KSR2: variants seen among roughly 807,000 people sequenced by gnomAD.
KSR2 encodes the protein kinase suppressor of ras 2.
KSR2 carries 25 observed loss-of-function variants against 107.8 expected under a neutral mutation model. The observed-to-expected ratio is 0.23, with a 90% CI of 0.17 to 0.32. KSR2 has a LOEUF of 0.32. Ranked by LOEUF, KSR2 falls within the 10% of genes least tolerant of loss-of-function variation. The pLI is 1.00. For missense variants in KSR2, 887 were observed against 1,268.9 expected, an observed-to-expected ratio of 0.70 and a Z score of 4.57; for synonymous variants, 480 against 507.0, an observed-to-expected ratio of 0.95 and a Z score of 0.71.
At chr12:117,644,241 G>A (rs904844054) in intron 5 of KSR2, among the ~76,000 whole-genome samples, 8 of 152,200 alleles carry the variant, frequency 5.3e-5, no homozygotes, top group Non-Finnish European at 1.0e-4. Flanking sequence ...TGGCCCTAGC[G>A]AGGCCTCTGC....
At position 117,792,633 on chromosome 12, in the gene KSR2, G is replaced by A. The variant is rs115809897; in HGVS notation, c.473-31109C>T. ...AATCAGCAGCCTCTCCCAGCCCCGC[G>A]GCCCCTGCCCTCTGCCTCTGTCCCT... On this transcript the variant is annotated intron_variant, in intron 3 of 19. Coordinates refer to ENST00000339824, the MANE Select transcript of KSR2 (RefSeq NM_173598.6). Among the ~76,000 whole-genome samples the A allele has an allele frequency of 3.9e-3, 597 of 152,230 alleles. 7 individuals are homozygous for A. The highest frequency in any genetic ancestry group is 0.014 in the African/African-American group (561 of 41,536).
At chr12:117,722,794 T>C (rs1887266754) in intron 4 of KSR2, among the ~76,000 whole-genome samples, 1 of 152,218 alleles carries the variant, frequency 6.6e-6, no homozygotes, top group African/African-American at 2.4e-5. Context: ...AATTCTTTCT[T>C]GCCCGAGATC....
intron 4 of KSR2, among the ~76,000 whole-genome samples, chr12:117,687,449 T>C (rs541965799): frequency 6.6e-6 from 1 of 152,344 alleles, no homozygotes; most frequent in South Asian, 2.1e-4. Context: ...TTTCAACTTT[T>C]GCATCCAGCA....
At chr12:117,789,782 T>C (rs1356140595) in intron 3 of KSR2, among the ~76,000 whole-genome samples, 1 of 152,156 alleles carries the variant, frequency 6.6e-6, no homozygotes, top group East Asian at 1.9e-4. Context: ...CTACTGAGTG[T>C]CAGGTACCTG....
At chr12:117,594,819 T>C (rs1436829309) in intron 5 of KSR2, among the ~76,000 whole-genome samples, 1 of 152,198 alleles carries the variant, frequency 6.6e-6, no homozygotes, top group Non-Finnish European at 1.5e-5. Flanking sequence ...TGGCAATGTG[T>C]GCAGACATTT....
intron 3 of KSR2, among the ~76,000 whole-genome samples, chr12:117,804,333 G>A (rs113827537): frequency 0.053 from 7,999 of 152,176 alleles, 739 homozygotes; most frequent in African/African-American, 0.18. Context: ...GTGAGCCACC[G>A]CACCCGGCCA....
intron 14 of KSR2, among the ~76,000 whole-genome samples, chr12:117,508,883 T>G (rs1873862078): frequency 7.4e-6 from 1 of 135,612 alleles, no homozygotes. Context: ...GATAGATGGG[T>G]GGATGGATGT....
At chr12:117,598,319 T>C (rs921267255) in intron 5 of KSR2, among the ~76,000 whole-genome samples, 2 of 152,254 alleles carry the variant, frequency 1.3e-5, no homozygotes, top group Non-Finnish European at 2.9e-5. Context: ...ATTTCATTTC[T>C]TTTTATGGCT....
At chr12:117,767,256 CCAA>C (rs1429451045) in intron 3 of KSR2, among the ~76,000 whole-genome samples, 5 of 83,756 alleles carry the variant, frequency 6.0e-5, no homozygotes, top group African/African-American at 3.1e-4. Context: ...TACTAAAAAT[CCAA>C]AAAAAAAAAA....
intron 5 of KSR2, among the ~76,000 whole-genome samples, chr12:117,618,083 T>A (rs1881981255): frequency 6.6e-6 from 1 of 152,208 alleles, no homozygotes; most frequent in African/African-American, 2.4e-5. Flanking sequence ...AAATTGGGCA[T>A]AAAAATTTGA....
chr12:117,624,340 G>A (rs1882353468), intron 5 of KSR2, among the ~76,000 whole-genome samples: 1 of 152,256 alleles, frequency 6.6e-6, no homozygotes, highest in Non-Finnish European at 1.5e-5. Context: ...TTTTCTTCTA[G>A]GGTTTTTATG....
intron 3 of KSR2, among the ~76,000 whole-genome samples, chr12:117,843,816 T>A (rs909710586): frequency 2.8e-4 from 42 of 152,286 alleles, no homozygotes; most frequent in African/African-American, 9.9e-4. Flanking sequence ...AAGCCTGTCT[T>A]CATGGTCCCT....
At chr12:117,915,258 G>A (rs951570603) in intron 1 of KSR2, among the ~76,000 whole-genome samples, 9 of 152,190 alleles carry the variant, frequency 5.9e-5, no homozygotes, top group Non-Finnish European at 8.8e-5. Flanking sequence ...GTCAGGTTCT[G>A]GAGAGGGTCC....
At chr12:117,704,718 G>C (rs940105693) in intron 4 of KSR2, among the ~76,000 whole-genome samples, 25 of 152,100 alleles carry the variant, frequency 1.6e-4, no homozygotes, top group African/African-American at 6.0e-4. Context: ...CATTAGCTGG[G>C]CATGGTGGCA....
At chr12:117,538,877 A>C (rs1486594819) in intron 10 of KSR2, among the ~76,000 whole-genome samples, 2 of 152,182 alleles carry the variant, frequency 1.3e-5, no homozygotes, top group Non-Finnish European at 2.9e-5. Context: ...AGTGCCATAA[A>C]TATGGCTGAG....
chr12:117,533,319 T>C (rs1875795319), intron 10 of KSR2, among the ~76,000 whole-genome samples: 1 of 152,248 alleles, frequency 6.6e-6, no homozygotes, highest in Non-Finnish European at 1.5e-5. Context: ...TAAGTCCTAC[T>C]ATCTCAGGAC....
In KSR2 at chr12:117,744,136, G is replaced by A. The variant is rs141161281; in HGVS notation, c.986+16875C>T. ...TCATGGCATAGCGGAAAGACCTCTG[G>A]TGGTAGGCTGGGTTCCCATCCTGCC... On this transcript the variant is annotated intron_variant, in intron 4 of 19. Coordinates refer to ENST00000339824, the MANE Select transcript of KSR2 (RefSeq NM_173598.6). Among the ~76,000 whole-genome samples the A allele has an allele frequency of 3.7e-3, 565 of 152,252 alleles. 2 individuals are homozygous for A. The highest frequency in any genetic ancestry group is 0.013 in the African/African-American group (536 of 41,528).
chr12:117,847,695 G>T (rs912893892), intron 3 of KSR2, among the ~76,000 whole-genome samples: 8 of 152,312 alleles, frequency 5.3e-5, no homozygotes, highest in Non-Finnish European at 1.0e-4. Flanking sequence ...CGTGGGGGCT[G>T]GCCCTGCCCA....
At chr12:117,716,737 T>C in intron 4 of KSR2, among the ~76,000 whole-genome samples, 1 of 152,196 alleles carries the variant, frequency 6.6e-6, no homozygotes, top group East Asian at 1.9e-4. Flanking sequence ...TTAACCTCAA[T>C]AAGTCTCAGT....
Sources: allele counts gnomAD v4.1 joint callset (sites outside exome capture counted in the v4.1 genomes callset), GRCh38; gene constraint gnomAD v4.1.1; transcripts MANE v1.5; gene names NCBI Gene and HGNC (gene_info 2026-07-23, HGNC 2026-07-21).